Variants in B9D1 observed in about 807,000 individuals in gnomAD.
B9D1 encodes the protein B9 domain containing 1, also known as B9 domain-containing protein 1.
B9D1 carries 20 observed loss-of-function variants against 26.1 expected under a neutral mutation model. The observed-to-expected ratio is 0.77, with a 90% CI of 0.54 to 1.12. The LOEUF is 1.12. B9D1 is among the 50% of genes most tolerant of loss of function. The pLI is 0.00. For missense variants in B9D1, 260 were observed against 273.7 expected (o/e 0.95, Z 0.35); for synonymous variants, 105 against 103.1 (o/e 1.02, Z -0.11).
intron 1 of B9D1, among the ~76,000 whole-genome samples, chr17:19,361,263 C>G (rs1911022761): frequency 6.6e-6 from 1 of 152,094 alleles, no homozygotes; most frequent in African/African-American, 2.4e-5. Context: ...ATAAAGTGCA[C>G]AATAAATGTA....
chr17:19,373,831 G>A (rs60606605), intron 1 of B9D1, among the ~76,000 whole-genome samples: 30,167 of 152,036 alleles, frequency 0.2, 3,709 homozygotes, highest in East Asian at 0.6. Flanking sequence ...CCAATCCCAC[G>A]TCTGTCTTTT....
chr17:19,365,397 C>T (rs1911535288), upstream of B9D1, among the ~76,000 whole-genome samples: 2 of 152,230 alleles, frequency 1.3e-5, no homozygotes, highest in Non-Finnish European at 2.9e-5. The surrounding 1 kb of genome is among the most constrained non-coding windows in gnomAD (Gnocchi z 5.0). Flanking sequence ...CCCTCTCCAC[C>T]ACCCCTCCTG....
At chr17:19,342,127 C>A (rs143287228), downstream of B9D1, among the ~76,000 whole-genome samples, 1 of 152,134 alleles carries the variant, frequency 6.6e-6, no homozygotes, top group Non-Finnish European at 1.5e-5. Flanking sequence ...CTAGGCTCAC[C>A]GCACATGGGG....
downstream of B9D1, among the ~76,000 whole-genome samples, chr17:19,337,159 G>T (rs1487302981): frequency 3.3e-5 from 5 of 152,230 alleles, no homozygotes; most frequent in Non-Finnish European, 5.9e-5. Flanking sequence ...ACAGAGGGAG[G>T]GAGTGCGTGG....
Position 19,343,229 on chromosome 17 carries a change from G to C in B9D1, c.*90C>G. The C allele has an allele frequency of 1.9e-6, 3 of 1,600,310 alleles. No homozygotes were observed. The highest frequency in any genetic ancestry group is 1.1e-5 in the South Asian group (1 of 89,878). ...ACTATTCTGTGTGCCCCCAGCTCTG[G>C]CCACCAGGCTGCCCCTCAGGCCGAT... On this transcript the variant is annotated 3_prime_UTR_variant, in exon 7 of 7. Coordinates refer to ENST00000261499, the MANE Select transcript of B9D1 (RefSeq NM_015681.6).
At chr17:19,377,720 G>T in intron 1 of B9D1, 1 of 497,310 alleles carries the variant, frequency 2.0e-6, no homozygotes, top group Non-Finnish European at 2.6e-6. Context: ...GGTGGGTCGG[G>T]ACAGCTCGGT....
At chr17:19,339,279 G>GTGAT (rs2081582625), downstream of B9D1, among the ~76,000 whole-genome samples, 1 of 151,940 alleles carries the variant, frequency 6.6e-6, no homozygotes, top group South Asian at 2.1e-4. Context: ...CCTCCTTACT[G>GTGAT]TGATAGCATT....
chr17:19,340,556 G>A (rs1452587233), downstream of B9D1, among the ~76,000 whole-genome samples: 1 of 149,538 alleles, frequency 6.7e-6, no homozygotes, highest in Non-Finnish European at 1.5e-5. Flanking sequence ...GGTGCAGGCG[G>A]ATCACCTGCG....
At position 19,372,773 on chromosome 17, in the gene B9D1, C is replaced by T. The variant is rs1173818720; in HGVS notation, c.-298+5086G>A. On this transcript the variant is annotated intron_variant, in intron 1 of 5. Transcript: ENST00000477478. The surrounding 1 kb of genome is among the most constrained non-coding windows in gnomAD (Gnocchi z 4.4). ...TGTTTCTGAAACCAAAGCGTGCCTTCGTAAAACTTAAGAGCATGGGATTGG... is the reference window on the plus strand; with the variant it reads ...TGTTTCTGAAACCAAAGCGTGCCTTTGTAAAACTTAAGAGCATGGGATTGG... 5.9e-5 allele frequency among the ~76,000 whole-genome samples: 9 copies of T among 152,290 alleles called. No homozygotes were observed. The East Asian group carries it at 1.3e-3, about 23-fold the overall frequency.
chr17:19,337,473 G>C (rs757330647), downstream of B9D1: 15 of 494,670 alleles, frequency 3.0e-5, no homozygotes, highest in Non-Finnish European at 4.1e-5. Context: ...TCTGCTCTCT[G>C]TGCAAGTGCC....
downstream of B9D1, among the ~76,000 whole-genome samples, chr17:19,339,958 C>T (rs1027494283): frequency 6.6e-6 from 1 of 150,576 alleles, no homozygotes; most frequent in Non-Finnish European, 1.5e-5. Context: ...ACACCGACAG[C>T]ATGGACAGCA....
Position 19,362,658 on chromosome 17 carries a change from C to A in B9D1, c.-89G>T. ...GTTGCCCTAGAAACAGACGGCGTAG[C>A]GCGCAGGACACGTTTCTTGGCAGCG... On this transcript the variant is annotated 5_prime_UTR_variant, in exon 1 of 7. Transcript: ENST00000261499. 6.4e-7 allele frequency: 1 copy of A among 1,550,404 alleles called. No individual in the cohort carries two copies. The highest frequency in any genetic ancestry group is 8.7e-7 in the Non-Finnish European group (1 of 1,147,166).
At chr17:19,341,314 G>A (rs895286902), downstream of B9D1, 1 of 1,232,056 alleles carries the variant, frequency 8.1e-7, no homozygotes. Flanking sequence ...AGCTTTCCGG[G>A]GAGCTGTGAT....
At chr17:19,351,303 A>G (rs1373983261) in intron 3 of B9D1, among the ~76,000 whole-genome samples, 1 of 152,060 alleles carries the variant, frequency 6.6e-6, no homozygotes, top group East Asian at 1.9e-4. Flanking sequence ...AAACCTTTGT[A>G]TTTTTGGAAT....
rs1598102309 is a variant in B9D1 at position 19,370,452 on chromosome 17, G to A, written c.-298+7407C>T. Among the ~76,000 whole-genome samples the A allele has an allele frequency of 6.6e-6, 1 of 152,212 alleles. No individual in the cohort carries two copies. Among genetic ancestry groups the A allele is most frequent in the Non-Finnish European group, 1.5e-5 (1 of 68,042 alleles). ...TTGACATCTCGATGACATGTGCTGT[G>A]TGTGTCCCTCACAGACTTGGGATCT... On this transcript the variant is annotated intron_variant, in intron 1 of 5. Coordinates refer to the B9D1 transcript ENST00000477478. This position sits in a 1 kb window ranked among gnomAD's most constrained non-coding sequence, Gnocchi z 5.1.
downstream of B9D1, chr17:19,337,841 A>G: frequency 2.0e-6 from 1 of 510,286 alleles, no homozygotes; most frequent in Non-Finnish European, 3.4e-6. Context: ...TGCCAGAATT[A>G]GGCCCTCGGC....
chr17:19,355,823 G>A (rs1910274037), intron 3 of B9D1, among the ~76,000 whole-genome samples: 1 of 152,008 alleles, frequency 6.6e-6, no homozygotes, highest in Non-Finnish European at 1.5e-5. Context: ...AACAGAGCAA[G>A]ACTCAGTCTC....
downstream of B9D1, chr17:19,335,389 CTTTT>C (rs780936813): frequency 6.5e-7 from 1 of 1,544,272 alleles, no homozygotes; most frequent in Non-Finnish European, 8.7e-7. Flanking sequence ...CAACTAATTC[CTTTT>C]TTTTATTAAA....
At chr17:19,364,764 C>A (rs189993744), upstream of B9D1, among the ~76,000 whole-genome samples, 1 of 152,250 alleles carries the variant, frequency 6.6e-6, no homozygotes, top group African/African-American at 2.4e-5. The surrounding 1 kb of genome is among the most constrained non-coding windows in gnomAD (Gnocchi z 4.3). Flanking sequence ...ACATTCCTCG[C>A]TCCCACCTCA....
Sources: gnomAD v4.1 joint callset for allele counts (sites outside exome capture counted in the v4.1 genomes callset) on GRCh38, gnomAD v4.1.1 for gene constraint, Gnocchi (gnomAD v3.1) non-coding constraint, MANE v1.5 for transcripts, NCBI Gene and HGNC (gene_info 2026-07-23, HGNC 2026-07-21) for gene names.